FNBP1: variants seen among roughly 807,000 people sequenced by gnomAD.
FNBP1 encodes formin binding protein 1, also known as formin-binding protein 1.
In FNBP1, 26 loss-of-function variants were observed where a neutral mutation model predicts 90.6. The observed-to-expected ratio is 0.29, with a 90% CI of 0.21 to 0.40. FNBP1 has a LOEUF of 0.40. Among genes scored for constraint, FNBP1 ranks in the 10% least tolerant of loss-of-function variants. FNBP1 has a pLI of 1.00. For missense variants in FNBP1, 635 were observed against 768.0 expected, an observed-to-expected ratio of 0.83 and a Z score of 2.05; for synonymous variants, 260 against 265.2, an observed-to-expected ratio of 0.98 and a Z score of 0.19.
At chr9:130,023,421 A>C (rs2058040708) in intron 1 of FNBP1, among the ~76,000 whole-genome samples, 1 of 152,152 alleles carries the variant, frequency 6.6e-6, no homozygotes, top group South Asian at 2.1e-4. Flanking sequence ...GGGATTGCAC[A>C]CAATAGGGTT....
At chr9:130,012,454 G>A (rs1320575470) in intron 1 of FNBP1, among the ~76,000 whole-genome samples, 2 of 151,848 alleles carry the variant, frequency 1.3e-5, no homozygotes, top group Non-Finnish European at 2.9e-5. Context: ...AGAGGTACGG[G>A]GATAATTGCA....
chr9:129,998,912 A>T (rs1212409349), intron 1 of FNBP1, among the ~76,000 whole-genome samples: 1 of 152,236 alleles, frequency 6.6e-6, no homozygotes, highest in East Asian at 1.9e-4. Flanking sequence ...AAGATAGAAG[A>T]TCTTAATAAT....
chr9:129,902,621 G>A (rs930595492), intron 13 of FNBP1, among the ~76,000 whole-genome samples: 5 of 151,920 alleles, frequency 3.3e-5, no homozygotes, highest in Admixed American at 3.3e-4. Flanking sequence ...CGCCAACCCC[G>A]CACCGTATAC....
At chr9:129,976,410 T>G (rs1026804920) in intron 4 of FNBP1, among the ~76,000 whole-genome samples, 1 of 152,324 alleles carries the variant, frequency 6.6e-6, no homozygotes, top group East Asian at 1.9e-4. Flanking sequence ...TGTGCTAATG[T>G]CAACAGATGA....
At chr9:130,050,013 A>G in the FNBP1 span, among the ~76,000 whole-genome samples, 1 of 152,176 alleles carries the variant, frequency 6.6e-6, no homozygotes, top group African/African-American at 2.4e-5. Context: ...ACAGGCCTTT[A>G]AACATTTCTG....
intron 1 of FNBP1, among the ~76,000 whole-genome samples, chr9:130,035,290 T>A (rs1203555098): frequency 6.6e-6 from 1 of 152,140 alleles, no homozygotes; most frequent in Non-Finnish European, 1.5e-5. Flanking sequence ...GCCATCCTCT[T>A]CTTGGGACGA....
chr9:129,938,548 T>G (rs1238642871), intron 6 of FNBP1, among the ~76,000 whole-genome samples: 1 of 151,978 alleles, frequency 6.6e-6, no homozygotes, highest in African/African-American at 2.4e-5. Flanking sequence ...ACTCTTTTTT[T>G]TTTTTTTGAA....
At chr9:130,034,582 T>G (rs1170121962) in intron 1 of FNBP1, among the ~76,000 whole-genome samples, 4 of 152,148 alleles carry the variant, frequency 2.6e-5, no homozygotes, top group African/African-American at 9.7e-5. Context: ...CTAATTAATA[T>G]CCACACAAAT....
At chr9:129,937,327 A>T (rs1290031597) in intron 6 of FNBP1, among the ~76,000 whole-genome samples, 1 of 152,258 alleles carries the variant, frequency 6.6e-6, no homozygotes, top group African/African-American at 2.4e-5. Context: ...TGAAACAAAC[A>T]AATCATTGGT....
intron 10 of FNBP1, among the ~76,000 whole-genome samples, chr9:129,923,194 G>A (rs941221604): frequency 2.0e-5 from 3 of 152,092 alleles, no homozygotes; most frequent in African/African-American, 7.2e-5. Context: ...TGAAATCTAA[G>A]TGGTTTTTTT....
At chr9:129,928,060 T>C (rs2042178344) in intron 7 of FNBP1, among the ~76,000 whole-genome samples, 1 of 152,204 alleles carries the variant, frequency 6.6e-6, no homozygotes, top group African/African-American at 2.4e-5. Context: ...ATCTTCCAAC[T>C]ATAATTTACA....
intron 1 of FNBP1, among the ~76,000 whole-genome samples, chr9:130,030,072 C>T (rs1026167873): frequency 1.3e-5 from 2 of 152,036 alleles, no homozygotes; most frequent in African/African-American, 4.8e-5. Context: ...TAATAAATAT[C>T]CAGCATTCAA....
rs1030465054 is a variant in FNBP1 at position 130,041,128 on chromosome 9, C to T, written c.24+1824G>A. ...CTGGCAATATAGGCCTGAGCCACTG[C>T]GCCCGGCCTCTCTCATTTATTTTCA... is the stretch of plus-strand genomic sequence containing the variant. On this transcript the variant is annotated intron_variant, in intron 1 of 16. Coordinates refer to ENST00000446176, the MANE Select transcript of FNBP1 (RefSeq NM_015033.3). The surrounding 1 kb of genome is among the most constrained non-coding windows in gnomAD (Gnocchi z 4.3). Among the ~76,000 whole-genome samples, 28 of 151,854 alleles carry T rather than the reference C, an allele frequency of 1.8e-4. No homozygotes were observed. Among genetic ancestry groups the T allele is most frequent in the African/African-American group, 5.8e-4 (24 of 41,454 alleles).
chr9:129,957,774 A>T lies in FNBP1; in HGVS notation c.409-310T>A, dbSNP rs1271925842. On this transcript the variant is annotated intron_variant, in intron 5 of 16. Coordinates refer to ENST00000446176, the MANE Select transcript of FNBP1 (RefSeq NM_015033.3). The surrounding 1 kb of genome is among the most constrained non-coding windows in gnomAD (Gnocchi z 4.3). ...TGTCATGTTGCCCATGCTGGTCTTG[A>T]GCTTCTGAGCTCAAGCAATCCTCCC... 6.6e-6 allele frequency among the ~76,000 whole-genome samples: 1 copy of T among 151,958 alleles called. No individual in the cohort carries two copies. The highest frequency in any genetic ancestry group is 1.9e-4 in the East Asian group (1 of 5,148).
At chr9:129,951,436 A>G (rs932535317) in intron 6 of FNBP1, among the ~76,000 whole-genome samples, 4 of 130,096 alleles carry the variant, frequency 3.1e-5, no homozygotes, top group South Asian at 2.4e-4. Flanking sequence ...TTATTTATTT[A>G]TTTATTTGTT....
At chr9:129,906,828 G>GCACA (rs2038153013) in intron 12 of FNBP1, among the ~76,000 whole-genome samples, 1 of 151,816 alleles carries the variant, frequency 6.6e-6, no homozygotes, top group African/African-American at 2.4e-5. Context: ...TTGCCAGGCT[G>GCACA]GAGTGCAGCA....
At chr9:130,047,959 A>G (rs1253675859), upstream of FNBP1, among the ~76,000 whole-genome samples, 1 of 152,150 alleles carries the variant, frequency 6.6e-6, no homozygotes. Context: ...GTGTTCCACT[A>G]CTTATTAGTT....
chr9:130,000,219 G>A lies in FNBP1; in HGVS notation c.25-5261C>T, dbSNP rs1422951261. Among the ~76,000 whole-genome samples the A allele has an allele frequency of 3.3e-5, 5 of 152,328 alleles. No individual in the cohort carries two copies. The East Asian group carries it at 9.6e-4, about 29-fold the overall frequency. ...AGAAAATATTATCTCAGCCGGGCAT[G>A]GTGGCCCACACCTGTAATCCCAGCA... On this transcript the variant is annotated intron_variant, in intron 1 of 16. Coordinates refer to ENST00000446176, the MANE Select transcript of FNBP1 (RefSeq NM_015033.3).
intron 16 of FNBP1, chr9:129,895,306 G>A: frequency 9.4e-7 from 1 of 1,061,344 alleles, no homozygotes; most frequent in Non-Finnish European, 1.1e-6. Context: ...TAGTCAAGAA[G>A]GAGATGTTAT....
Sources: allele counts gnomAD v4.1 joint callset (sites outside exome capture counted in the v4.1 genomes callset), GRCh38; gene constraint gnomAD v4.1.1; non-coding constraint Gnocchi (gnomAD v3.1); transcripts MANE v1.5; gene names NCBI Gene and HGNC (gene_info 2026-07-23, HGNC 2026-07-21).